Variants in PDE1A observed in about 807,000 individuals in gnomAD.
The protein encoded by PDE1A is phosphodiesterase 1A.
Under a neutral mutation model 61.7 loss-of-function variants are expected in PDE1A, and 35 were observed. The ratio of observed to expected loss-of-function variants is 0.57; its 90% confidence interval spans 0.43 to 0.75. The LOEUF is 0.75. Among genes scored for constraint, PDE1A ranks in the 30% least tolerant of loss-of-function variants. The pLI is 0.00. For synonymous variants in PDE1A, 232 were observed against 213.2 expected (o/e 1.09, Z -0.77); for missense variants, 597 against 630.6 (o/e 0.95, Z 0.57).
At chr2:182,677,481 C>T in the PDE1A span, among the ~76,000 whole-genome samples, 1 of 152,108 alleles carries the variant, frequency 6.6e-6, no homozygotes, top group Non-Finnish European at 1.5e-5. Context: ...CCATTCTGCC[C>T]AAATGATTCG....
At chr2:182,191,701 CTTT>C (rs11314814) in intron 10 of PDE1A, among the ~76,000 whole-genome samples, 35,597 of 139,420 alleles carry the variant, frequency 0.26, 5,184 homozygotes, top group Non-Finnish European at 0.33. Flanking sequence ...CTATATTTAA[CTTT>C]TTTTTTTTTT....
chr2:182,157,759 G>A (rs1016714997), intron 13 of PDE1A, among the ~76,000 whole-genome samples: 1 of 152,144 alleles, frequency 6.6e-6, no homozygotes, highest in Non-Finnish European at 1.5e-5. Context: ...ATCCCTGATG[G>A]TATTTTGTAA....
intron 1 of PDE1A, among the ~76,000 whole-genome samples, chr2:182,272,970 C>T (rs533407462): frequency 6.6e-6 from 1 of 152,082 alleles, no homozygotes; most frequent in Non-Finnish European, 1.5e-5. Context: ...CTTTTGAGAA[C>T]ATTAGAGTAA....
chr2:182,560,309 C>A, the PDE1A span, among the ~76,000 whole-genome samples: 4 of 147,536 alleles, frequency 2.7e-5, no homozygotes, highest in Non-Finnish European at 4.5e-5. Context: ...TGAGAATATG[C>A]GGTGTTTGGT....
chr2:182,186,671 GCTT>G (rs1685232412), intron 11 of PDE1A, 83 bp from the exon 12 acceptor site: 3 of 1,353,310 alleles, frequency 2.2e-6, no homozygotes, highest in Admixed American at 2.2e-5. Flanking sequence ...ATAATGAAGA[GCTT>G]CTGACAATCC....
chr2:182,222,169 TAAAC>T (rs1574772646), intron 7 of PDE1A, among the ~76,000 whole-genome samples: 1 of 151,968 alleles, frequency 6.6e-6, no homozygotes, highest in South Asian at 2.1e-4. Flanking sequence ...GGTGAATAGA[TAAAC>T]AAACTATGGT....
chr2:182,680,678 T>C, the PDE1A span, among the ~76,000 whole-genome samples: 11 of 152,200 alleles, frequency 7.2e-5, no homozygotes, highest in African/African-American at 2.7e-4. Context: ...TTCACAGCTT[T>C]AAATTCTTTT....
At chr2:182,223,521 A>G (rs1285197674) in intron 7 of PDE1A, among the ~76,000 whole-genome samples, 1 of 152,060 alleles carries the variant, frequency 6.6e-6, no homozygotes, top group African/African-American at 2.4e-5. Context: ...ACATAATGAC[A>G]CCAAACCAGT....
At chr2:182,332,359 A>G (rs189949581) in intron 1 of PDE1A, among the ~76,000 whole-genome samples, 3 of 152,200 alleles carry the variant, frequency 2.0e-5, no homozygotes. Flanking sequence ...CTGTCAATTC[A>G]TCAAACTCAT....
At chr2:182,441,208 C>T (rs1684770514) in intron 2 of PDE1A, among the ~76,000 whole-genome samples, 1 of 152,018 alleles carries the variant, frequency 6.6e-6, no homozygotes, top group South Asian at 2.1e-4. Flanking sequence ...GGTGAAACCA[C>T]CCCCATGATT....
exon 13 of PDE1A, chr2:182,185,954 T>C (rs1264998017): frequency 1.2e-6 from 2 of 1,614,068 alleles, no homozygotes; most frequent in Non-Finnish European, 8.5e-7. Flanking sequence ...CAGGTTGTTC[T>C]TGAAACTCTT....
At chr2:182,348,459 C>A (rs1698655626) in intron 1 of PDE1A, among the ~76,000 whole-genome samples, 1 of 152,084 alleles carries the variant, frequency 6.6e-6, no homozygotes. Context: ...CCCACATCAC[C>A]TAACAGGAAG....
the PDE1A span, among the ~76,000 whole-genome samples, chr2:182,695,418 TC>T: frequency 3.5e-4 from 54 of 152,144 alleles, 1 homozygote; most frequent in Middle Eastern, 6.8e-3. Flanking sequence ...AGTTTAAAAC[TC>T]ATTAAAATTT....
At chr2:182,494,648 G>A (rs1232084924) in intron 2 of PDE1A, among the ~76,000 whole-genome samples, 1 of 152,008 alleles carries the variant, frequency 6.6e-6, no homozygotes, top group Admixed American at 6.6e-5. Context: ...CATCTCAGAA[G>A]TCAAAATGCC....
the PDE1A span, among the ~76,000 whole-genome samples, chr2:182,681,312 T>C: frequency 1.6e-5 from 2 of 122,956 alleles, no homozygotes; most frequent in South Asian, 2.9e-4. Context: ...AATTATTTAA[T>C]TATTTATTTT....
intron 13 of PDE1A, among the ~76,000 whole-genome samples, chr2:182,151,308 T>G (rs1690767377): frequency 6.6e-6 from 1 of 152,194 alleles, no homozygotes; most frequent in Admixed American, 6.5e-5. Flanking sequence ...TTCACCATTT[T>G]GGCCAAGCTG....
rs183012856 is a variant in PDE1A at position 182,386,861 on chromosome 2, C to T, written c.53+39717G>A. Among the ~76,000 whole-genome samples, 1,266 of 152,140 alleles carry T rather than the reference C, an allele frequency of 8.3e-3. 17 individuals are homozygous for T. Among genetic ancestry groups the T allele is most frequent in the African/African-American group, 0.029 (1,194 of 41,522 alleles). ...GAGGTGGGGGGCGCCTCTGCCCGGC[C>T]GCCCCTTCTGGGAGGTGAGGAGCCC... On this transcript the variant is annotated intron_variant, in intron 1 of 13. Transcript: ENST00000351439.
the PDE1A span, among the ~76,000 whole-genome samples, chr2:182,534,192 TC>T: frequency 6.6e-6 from 1 of 152,044 alleles, no homozygotes; most frequent in African/African-American, 2.4e-5. Context: ...TAACTTCTCT[TC>T]AAAATTGTAC....
chr2:182,477,270 T>C (rs943181335), intron 2 of PDE1A, among the ~76,000 whole-genome samples: 3 of 151,926 alleles, frequency 2.0e-5, no homozygotes, highest in South Asian at 2.1e-4. Context: ...GAGAAAAATG[T>C]AGTCTGGTTA....
Sources: gnomAD v4.1 joint callset for allele counts (sites outside exome capture counted in the v4.1 genomes callset) on GRCh38, gnomAD v4.1.1 for gene constraint, MANE v1.5 for transcripts, NCBI Gene and HGNC (gene_info 2026-07-23, HGNC 2026-07-21) for gene names.